The following KIF7 variants were observed in gnomAD, a reference collection of about 807,000 sequenced individuals.
The protein encoded by KIF7 is kinesin family member 7, also known as kinesin-like protein KIF7.
In KIF7, 104 loss-of-function variants were observed where a neutral mutation model predicts 135.7. That is an observed-to-expected ratio of 0.77 (90% CI 0.65 to 0.90). The LOEUF is 0.90. Ranked by LOEUF, KIF7 falls within the 40% of genes least tolerant of loss-of-function variation. The probability of loss-of-function intolerance (pLI) is 0.00; values close to 1 mark genes in which losing one functional copy is unlikely to be tolerated. For synonymous variants in KIF7, 883 were observed against 809.4 expected (o/e 1.09, Z -1.54); for missense variants, 2,005 against 1,839.1 (o/e 1.09, Z -1.65).
chr15:89,649,962 C>T (rs1477709839), intron 2 of KIF7, 21 bp from the exon 3 acceptor site: 1 of 1,547,706 alleles, frequency 6.5e-7, no homozygotes, highest in East Asian at 2.4e-5. Context: ...ACCGCAGGGC[C>T]TCCTGCCACT....
chr15:89,641,478 A>G (rs1471629906), intron 11 of KIF7, among the ~76,000 whole-genome samples: 2 of 152,252 alleles, frequency 1.3e-5, no homozygotes, highest in Non-Finnish European at 2.9e-5. Flanking sequence ...GCACCTGTGG[A>G]TAAATGGACA....
At chr15:89,635,385 T>A (rs535441052) in intron 11 of KIF7, among the ~76,000 whole-genome samples, 1 of 152,180 alleles carries the variant, frequency 6.6e-6, no homozygotes, top group South Asian at 2.1e-4. Context: ...TTCCGAGCTA[T>A]GGGAGGAAAT....
At chr15:89,652,571 G>T in intron 2 of KIF7, 32 bp downstream of exon 2, 1 of 1,456,728 alleles carries the variant, frequency 6.9e-7, no homozygotes, top group Non-Finnish European at 9.3e-7. Flanking sequence ...GCTCCTTAAA[G>T]TGGGCACAGG....
intron 1 of KIF7, among the ~76,000 whole-genome samples, chr15:89,653,612 C>T (rs1479651965): frequency 1.3e-5 from 2 of 152,178 alleles, no homozygotes; most frequent in Non-Finnish European, 2.9e-5. Flanking sequence ...GGGTCTCTCT[C>T]TTTCACCCAG....
At chr15:89,660,729 C>G in the KIF7 span, among the ~76,000 whole-genome samples, 3 of 152,224 alleles carry the variant, frequency 2.0e-5, no homozygotes, top group African/African-American at 7.2e-5. Context: ...TCCCCTTCCA[C>G]TAGGGGAGAA....
intron 11 of KIF7, among the ~76,000 whole-genome samples, chr15:89,634,854 A>G (rs1196361492): frequency 6.6e-6 from 1 of 152,182 alleles, no homozygotes; most frequent in Non-Finnish European, 1.5e-5. Flanking sequence ...CTGCCTCTGT[A>G]GGCTCCACCT....
chr15:89,653,540 T>A (rs1054736864), intron 1 of KIF7, among the ~76,000 whole-genome samples: 2 of 152,168 alleles, frequency 1.3e-5, no homozygotes, highest in African/African-American at 4.8e-5. Context: ...CCCCCTGGCA[T>A]CAGTCTCCCT....
chr15:89,625,767 C>T (rs142757206), downstream of KIF7: 86 of 1,604,346 alleles, frequency 5.4e-5, no homozygotes, highest in African/African-American at 5.8e-4. Flanking sequence ...CCACGGGAGA[C>T]GAAGAGGTGT....
intron 1 of KIF7, 117 bp from the exon 2 acceptor site, chr15:89,653,071 G>C (rs1405325040): frequency 3.7e-6 from 3 of 819,084 alleles, no homozygotes; most frequent in Non-Finnish European, 5.5e-6. Context: ...ATTGGGGGAG[G>C]GTGGTCAAAG....
chr15:89,651,266 A>C (rs1964119491), intron 2 of KIF7, among the ~76,000 whole-genome samples: 1 of 152,112 alleles, frequency 6.6e-6, no homozygotes, highest in African/African-American at 2.4e-5. Flanking sequence ...CGCCCAGCTA[A>C]TTTTTTGTAT....
At chr15:89,647,506 T>G (rs1964036365) in intron 6 of KIF7, 90 bp downstream of exon 6, 1 of 1,167,978 alleles carries the variant, frequency 8.6e-7, no homozygotes, top group Non-Finnish European at 1.3e-6. Flanking sequence ...TACCCTACCC[T>G]AACTCCCTCC....
chr15:89,648,148 C>A, intron 5 of KIF7, 107 bp downstream of exon 5: 2 of 1,349,210 alleles, frequency 1.5e-6, no homozygotes, highest in Non-Finnish European at 1.9e-6. Context: ...ACGTGCCCTG[C>A]TAATGGGCAG....
chr15:89,623,458 A>C (rs1160637007), downstream of KIF7, among the ~76,000 whole-genome samples: 1 of 152,214 alleles, frequency 6.6e-6, no homozygotes, highest in East Asian at 1.9e-4. Flanking sequence ...GTAAAATCTG[A>C]GTCATGTTTT....
intron 12 of KIF7, 77 bp from the exon 13 acceptor site, chr15:89,633,343 C>A: frequency 6.6e-7 from 1 of 1,525,228 alleles, no homozygotes; most frequent in Admixed American, 2.0e-5. Context: ...TCCCAAAGCC[C>A]CCAGGAGTGC....
At position 89,619,944 on chromosome 15, in the gene KIF7, G is replaced by A. The variant is rs1481288861; in HGVS notation, c.181-1749C>T. ...ATTTGACATTTTCTTTCTTGACATTGGAGAAGTAGAATAGGTATGTCTAGT... is the reference window on the plus strand; with the variant it reads ...ATTTGACATTTTCTTTCTTGACATTAGAGAAGTAGAATAGGTATGTCTAGT... On this transcript the variant is annotated intron_variant and NMD_transcript_variant, in intron 1 of 2. Coordinates refer to the KIF7 transcript ENST00000558928. The A allele has an allele frequency of 4.2e-6, 6 of 1,412,184 alleles. No homozygotes were observed. In the African/African-American group the frequency reaches 8.6e-5, roughly 20 times the overall value. The allele number at this position is 1,412,184 out of a possible 1,614,324, so 87.5% of individuals were successfully genotyped here.
intron 2 of KIF7, among the ~76,000 whole-genome samples, chr15:89,617,878 G>A (rs1963360783): frequency 6.6e-6 from 1 of 152,068 alleles, no homozygotes; most frequent in South Asian, 2.1e-4. Flanking sequence ...TTTTAATAGA[G>A]TCGGGGTTTC....
intron 11 of KIF7, among the ~76,000 whole-genome samples, chr15:89,637,745 G>A (rs1963839402): frequency 1.4e-5 from 2 of 145,490 alleles, no homozygotes. Flanking sequence ...AGAGGTACAA[G>A]GAGGAACTGG....
Position 89,628,291 on chromosome 15 carries a change from T to G in KIF7, c.*128A>C. ...CATGGCCCAAATTTGTTGATCCCAG[T>G]GAGGGTACAGATGAGGGCCTGGATT... On this transcript the variant is annotated 3_prime_UTR_variant, in exon 19 of 19. Transcript: ENST00000394412. 13 of 1,232,170 alleles carry G rather than the reference T, an allele frequency of 1.1e-5. No individual in the cohort carries two copies. The highest frequency in any genetic ancestry group is 1.2e-5 in the Non-Finnish European group (11 of 897,480). 76.3% of individuals were successfully genotyped at this position (1,232,170 alleles called of 1,614,324 possible).
intron 6 of KIF7, 33 bp from the exon 7 acceptor site, chr15:89,647,090 T>G: frequency 6.5e-7 from 1 of 1,531,696 alleles, no homozygotes; most frequent in Non-Finnish European, 8.8e-7. Flanking sequence ...CAAGGGGGCA[T>G]GAATGCCCCG....
Sources: allele counts gnomAD v4.1 joint callset (sites outside exome capture counted in the v4.1 genomes callset), GRCh38; gene constraint gnomAD v4.1.1; transcripts MANE v1.5; gene names NCBI Gene and HGNC (gene_info 2026-07-23, HGNC 2026-07-21).